The following BATF variants were observed in gnomAD, a reference collection of about 807,000 sequenced individuals.
BATF encodes basic leucine zipper ATF-like transcription factor.
Under a neutral mutation model 13.7 loss-of-function variants are expected in BATF, and 5 were observed. The observed-to-expected ratio is 0.36, with a 90% CI of 0.19 to 0.77. The LOEUF (loss-of-function observed/expected upper bound fraction) is 0.77, where lower values mean the gene tolerates loss of function less well. Among genes scored for constraint, BATF ranks in the 30% least tolerant of loss-of-function variants. The pLI is 0.51. For synonymous variants in BATF, 72 were observed against 67.5 expected (o/e 1.07, Z -0.33); for missense variants, 124 against 163.0 (o/e 0.76, Z 1.30).
At chr14:75,541,141 T>TA (rs930123926) in intron 2 of BATF, among the ~76,000 whole-genome samples, 2 of 152,098 alleles carry the variant, frequency 1.3e-5, no homozygotes, top group South Asian at 2.1e-4. Context: ...GCTATTTTTT[T>TA]AAAAAAATTT....
intron 2 of BATF, among the ~76,000 whole-genome samples, chr14:75,543,464 C>CG (rs1170725087): frequency 2.6e-5 from 4 of 152,092 alleles, no homozygotes; most frequent in African/African-American, 2.4e-5. Context: ...TTAGAAAGAC[C>CG]CCCCCCAGGA....
At chr14:75,526,026 G>T (rs1472732045) in intron 2 of BATF, among the ~76,000 whole-genome samples, 2 of 152,194 alleles carry the variant, frequency 1.3e-5, no homozygotes, top group Non-Finnish European at 2.9e-5. Context: ...CCTTATCTGG[G>T]ATGATCACCA....
At chr14:75,545,215 CATTTTTATTTTT>C (rs897826734) in intron 2 of BATF, among the ~76,000 whole-genome samples, 2 of 151,674 alleles carry the variant, frequency 1.3e-5, no homozygotes, top group African/African-American at 4.8e-5. Context: ...TTATTTATTT[CATTTTTATTTTT>C]ATTTTTATTT....
At position 75,529,514 on chromosome 14, in the gene BATF, A is replaced by G. The variant is rs1566766514; in HGVS notation, c.168+4326A>G. On this transcript the variant is annotated intron_variant, in intron 2 of 2. Coordinates refer to ENST00000286639, the MANE Select transcript of BATF (RefSeq NM_006399.5). ...AAACTTGAAAAGACAAATAACCATTAAAAATTTATCTTGGAATGAGGAATT... is the reference window on the plus strand; with the variant it reads ...AAACTTGAAAAGACAAATAACCATTGAAAATTTATCTTGGAATGAGGAATT... Among the ~76,000 whole-genome samples, 4 of 152,210 alleles carry G rather than the reference A, an allele frequency of 2.6e-5. No individual in the cohort carries two copies. In the South Asian group the frequency reaches 8.3e-4, roughly 32 times the overall value.
chr14:75,522,544 G>A lies in BATF; in HGVS notation c.-139G>A. The A allele has an allele frequency of 1.2e-6, 1 of 837,428 alleles. No homozygotes were observed. Among genetic ancestry groups the A allele is most frequent in the Non-Finnish European group, 2.0e-6 (1 of 511,942 alleles). The allele number at this position is 837,428 out of a possible 1,614,324, so 51.9% of individuals were successfully genotyped here. On this transcript the variant is annotated 5_prime_UTR_variant, in exon 1 of 3. Coordinates refer to ENST00000286639, the MANE Select transcript of BATF (RefSeq NM_006399.5). ...GAGGAGGACGCAGGGGTCAGAGGTG[G>A]CTACAGGGCAGGCAGAGGAGGCACC...
intron 2 of BATF, among the ~76,000 whole-genome samples, chr14:75,537,289 T>G (rs1008729769): frequency 3.3e-5 from 5 of 152,244 alleles, no homozygotes; most frequent in Non-Finnish European, 5.9e-5. Flanking sequence ...TGGATTCATT[T>G]GGAAGTATCC....
intron 2 of BATF, among the ~76,000 whole-genome samples, chr14:75,537,384 T>G (rs577416535): frequency 6.6e-6 from 1 of 152,338 alleles, no homozygotes; most frequent in African/African-American, 2.4e-5. Flanking sequence ...ACAGATTTAC[T>G]CAGCTGACCC....
intron 2 of BATF, among the ~76,000 whole-genome samples, chr14:75,539,957 A>T (rs1426992276): frequency 6.6e-6 from 1 of 152,096 alleles, no homozygotes; most frequent in Non-Finnish European, 1.5e-5. Flanking sequence ...GAGCCTGAAC[A>T]TATATCTGGG....
intron 1 of BATF, among the ~76,000 whole-genome samples, chr14:75,524,340 G>T (rs538864014): frequency 6.6e-6 from 1 of 152,344 alleles, no homozygotes; most frequent in East Asian, 1.9e-4. Flanking sequence ...GCCAGGCATT[G>T]TGCTGGGGCC....
At position 75,544,675 on chromosome 14, in the gene BATF, A is replaced by G. The variant is rs191095431; in HGVS notation, c.169-1787A>G. On this transcript the variant is annotated intron_variant, in intron 2 of 2. Transcript: ENST00000286639. ...GGATGGGCCTGAAATTCTATTCTTA[A>G]CAAGCCTTCAAATTAATTCTCATGA... 4.7e-4 allele frequency among the ~76,000 whole-genome samples: 71 copies of G among 152,242 alleles called. 2 individuals carry two copies. The highest frequency in any genetic ancestry group is 8.3e-4 in the South Asian group (4 of 4,826).
At chr14:75,546,265 G>A (rs1464075838) in intron 2 of BATF, among the ~76,000 whole-genome samples, 197 bp from the exon 3 acceptor site, 2 of 152,146 alleles carry the variant, frequency 1.3e-5, no homozygotes, top group Admixed American at 1.3e-4. Flanking sequence ...ATGTGCTTAC[G>A]TAAACGCGCC....
At position 75,525,590 on chromosome 14, in the gene BATF, C is replaced by T. The variant is rs542030323; in HGVS notation, c.168+402C>T. 1.0e-4 allele frequency among the ~76,000 whole-genome samples: 15 copies of T among 146,404 alleles called. No homozygotes were observed. The South Asian group carries it at 3.2e-3, about 32-fold the overall frequency. The stretch of plus-strand genomic sequence containing the variant: ...GAGGCAGGAGAATCACTTGAACAGG[C>T]AGAGGTTGCAGTGAGCCGAGATCGC... On this transcript the variant is annotated intron_variant, in intron 2 of 2. Coordinates refer to ENST00000286639, the MANE Select transcript of BATF (RefSeq NM_006399.5).
intron 1 of BATF, among the ~76,000 whole-genome samples, chr14:75,524,223 G>A (rs1358878429): frequency 6.6e-6 from 1 of 152,174 alleles, no homozygotes; most frequent in Non-Finnish European, 1.5e-5. Context: ...CTCTCTCTGG[G>A]TGTAATTAGA....
At chr14:75,524,801 T>A (rs1887627603) in intron 1 of BATF, among the ~76,000 whole-genome samples, 1 of 135,080 alleles carries the variant, frequency 7.4e-6, no homozygotes, top group South Asian at 2.4e-4. Context: ...CCTTAACCAT[T>A]TTTTTTTTTT....
chr14:75,530,761 A>T (rs1235860746), intron 2 of BATF, among the ~76,000 whole-genome samples: 1 of 152,142 alleles, frequency 6.6e-6, no homozygotes, highest in Non-Finnish European at 1.5e-5. Flanking sequence ...TGCCCTGCCC[A>T]CCTTGGCCTC....
At chr14:75,533,427 CAAAAA>C (rs888084841) in intron 2 of BATF, among the ~76,000 whole-genome samples, 1 of 63,896 alleles carries the variant, frequency 1.6e-5, no homozygotes, top group Non-Finnish European at 3.3e-5. Context: ...GACTCCGTCT[CAAAAA>C]AAAAAAAAAA....
chr14:75,526,280 A>T (rs2140034457), intron 2 of BATF, among the ~76,000 whole-genome samples: 1 of 152,194 alleles, frequency 6.6e-6, no homozygotes, highest in Admixed American at 6.5e-5. Flanking sequence ...CCAACTCTTC[A>T]CTAGTTCCTT....
chr14:75,543,687 T>C (rs1012478053), intron 2 of BATF, among the ~76,000 whole-genome samples: 1 of 152,054 alleles, frequency 6.6e-6, no homozygotes, highest in Non-Finnish European at 1.5e-5. Flanking sequence ...AATTTTCTTT[T>C]ATTTTTATTA....
At chr14:75,527,011 G>A (rs1168637763) in intron 2 of BATF, among the ~76,000 whole-genome samples, 2 of 152,200 alleles carry the variant, frequency 1.3e-5, no homozygotes, top group African/African-American at 4.8e-5. Flanking sequence ...CGGCAGCTCA[G>A]CAGTCAGAAC....
Sources: gnomAD v4.1 joint callset for allele counts (sites outside exome capture counted in the v4.1 genomes callset) on GRCh38, gnomAD v4.1.1 for gene constraint, MANE v1.5 for transcripts, NCBI Gene and HGNC (gene_info 2026-07-23, HGNC 2026-07-21) for gene names.